STKLD1: variants seen among roughly 807,000 people sequenced by gnomAD.
STKLD1 encodes serine/threonine kinase like domain containing 1.
A neutral mutation model predicts 80.4 loss-of-function variants in STKLD1; 79 were observed. The observed-to-expected ratio is 0.98, with a 90% CI of 0.82 to 1.19. STKLD1 has a LOEUF of 1.19. Ranked by LOEUF, STKLD1 falls within the 50% of genes most tolerant of loss-of-function variation. The probability of loss-of-function intolerance (pLI) is 0.00; values close to 1 mark genes in which losing one functional copy is unlikely to be tolerated. For missense variants in STKLD1, 841 were observed against 856.0 expected, an observed-to-expected ratio of 0.98 and a Z score of 0.22; for synonymous variants, 393 against 357.6, an observed-to-expected ratio of 1.10 and a Z score of -1.12.
In STKLD1 at chr9:133,389,597, G is replaced by C; in HGVS notation, c.467+1G>C. The C allele has an allele frequency of 6.2e-7, 1 of 1,613,418 alleles. No individual in the cohort carries two copies. The highest frequency in any genetic ancestry group is 1.3e-5 in the African/African-American group (1 of 75,030). ...TGCACCATTTGGACATCATCCACAG[G>C]TAAGTGGGGCCCCTGACCTCTGCGG... On this transcript the variant is annotated splice_donor_variant, in intron 6 of 17. Coordinates refer to ENST00000371957, the MANE Select transcript of STKLD1 (RefSeq NM_153710.5). LOFTEE classifies it high-confidence loss of function. This position sits in a 1 kb window ranked among gnomAD's most constrained non-coding sequence, Gnocchi z 6.4.
intron 1 of STKLD1, among the ~76,000 whole-genome samples, chr9:133,378,128 C>T (rs1838044615): frequency 6.6e-6 from 1 of 152,214 alleles, no homozygotes; most frequent in Non-Finnish European, 1.5e-5. Context: ...TGCTGCTCAC[C>T]TCCTGCTGTG....
Position 133,405,453 on chromosome 9 carries a change from G to A in STKLD1, c.*32G>A, listed in dbSNP as rs1318110735. 71 of 1,563,142 alleles carry A rather than the reference G, an allele frequency of 4.5e-5. No homozygotes were observed. The highest frequency in any genetic ancestry group is 6.0e-5 in the Non-Finnish European group (70 of 1,158,836). ...GTATGGAACTGACCTTGATCTCCAC[G>A]TGTATAGTTTTCAAGACTGCTCTCC... On this transcript the variant is annotated 3_prime_UTR_variant, in exon 18 of 18. Coordinates refer to ENST00000371957, the MANE Select transcript of STKLD1 (RefSeq NM_153710.5).
Position 133,389,174 on chromosome 9 carries a change from T to A in STKLD1, c.397-352T>A, listed in dbSNP as rs2119218843. ...CATGTAGGCACTGAAGGCTTCCACC[T>A]CTCCCATACCCGCAAGGCCGATCTG... On this transcript the variant is annotated intron_variant, in intron 5 of 17. Coordinates refer to ENST00000371957, the MANE Select transcript of STKLD1 (RefSeq NM_153710.5). The surrounding 1 kb of genome is among the most constrained non-coding windows in gnomAD (Gnocchi z 6.4). The A allele has an allele frequency of 1.0e-6, 1 of 985,274 alleles. No homozygotes were observed. The highest frequency in any genetic ancestry group is 1.2e-6 in the Non-Finnish European group (1 of 829,904). The allele number at this position is 985,274 out of a possible 1,614,324, so 61.0% of individuals were successfully genotyped here. A position where few individuals can be genotyped will look rare whatever the true frequency, so the allele number is the denominator to read the frequency against.
chr9:133,397,051 T>C, intron 9 of STKLD1, 113 bp from the exon 10 acceptor site: 5 of 1,451,168 alleles, frequency 3.4e-6, no homozygotes, highest in Admixed American at 2.0e-5. Context: ...GGGAGTTCAG[T>C]GTCCAGTGTC....
rs2130275317 is a variant in STKLD1, at chr9:133,385,700, G to C, written c.294+9G>C. 3.1e-6 allele frequency: 5 copies of C among 1,612,778 alleles called. No individual in the cohort carries two copies. The South Asian group carries it at 5.5e-5, about 18-fold the overall frequency. ...TCACGTGGAATGGGGAGGTGGGTCA[G>C]AGCTGACACCTACGGGCTCAGCCGC... On this transcript the variant is annotated intron_variant, in intron 4 of 17. Coordinates refer to ENST00000371957, the MANE Select transcript of STKLD1 (RefSeq NM_153710.5). The surrounding 1 kb of genome is among the most constrained non-coding windows in gnomAD (Gnocchi z 4.9).
At position 133,403,789 on chromosome 9, in the gene STKLD1, G is replaced by A; in HGVS notation, c.1564G>A (p.Glu522Lys). ...ATYPADGEMAEASCGVFWLLS... is the reference protein window; with the variant it reads ...ATYPADGEMAKASCGVFWLLS... ...CTACCCTGCGGATGGGGAAATGGCA[G>A]AAGCCAGCTGCGGAGTCTTCTGGCT... Residue 522 changes from glutamate (E) to lysine (K), a missense_variant, in exon 15 of 18, where the codon GAA (glutamate) becomes AAA (lysine). Transcript: ENST00000371957. 1 of 1,613,716 alleles carries A rather than the reference G, an allele frequency of 6.2e-7. No homozygotes were observed. Among genetic ancestry groups the A allele is most frequent in the Non-Finnish European group, 8.5e-7 (1 of 1,179,962 alleles).
chr9:133,403,798 T>G lies in STKLD1; in HGVS notation c.1573T>G (p.Cys525Gly), dbSNP rs1261144093. The G allele has an allele frequency of 1.2e-6, 2 of 1,613,538 alleles. No homozygotes were observed. The highest frequency in any genetic ancestry group is 1.7e-6 in the Non-Finnish European group (2 of 1,179,958). ...GGATGGGGAAATGGCAGAAGCCAGCTGCGGAGTCTTCTGGCTGCTGTCCCT... is the reference window on the plus strand; with the variant it reads ...GGATGGGGAAATGGCAGAAGCCAGCGGCGGAGTCTTCTGGCTGCTGTCCCT... ...PADGEMAEAS[C>G]GVFWLLSLLG... The change falls in exon 15 of 18, where the codon TGC becomes GGC. Residue 525 changes from cysteine (C) to glycine (G), a missense_variant. Cys to Gly is a radical substitution (Grantham distance 159, BLOSUM62 -3). Coordinates refer to ENST00000371957, the MANE Select transcript of STKLD1 (RefSeq NM_153710.5).
chr9:133,405,511 C>T lies in STKLD1; in HGVS notation c.*90C>T. On this transcript the variant is annotated 3_prime_UTR_variant, in exon 18 of 18. Transcript: ENST00000371957. ...CTATTATCCCATCTCTATGACTGGGCCAAAATCAATCTTAAACGGGAGGGG... is the reference window on the plus strand; with the variant it reads ...CTATTATCCCATCTCTATGACTGGGTCAAAATCAATCTTAAACGGGAGGGG... 2 of 1,338,654 alleles carry T rather than the reference C, an allele frequency of 1.5e-6. No individual in the cohort carries two copies. The highest frequency in any genetic ancestry group is 2.9e-5 in the South Asian group (2 of 68,460). The allele number at this position is 1,338,654 out of a possible 1,614,324, so 82.9% of individuals were successfully genotyped here. A position where few individuals can be genotyped will look rare whatever the true frequency, so the allele number is the denominator to read the frequency against.
chr9:133,397,303 G>T lies in STKLD1; in HGVS notation c.997+9G>T. 1 of 1,612,788 alleles carries T rather than the reference G, an allele frequency of 6.2e-7. No individual in the cohort carries two copies. Reference sequence around the variant, plus strand: ...CGTGGCCAGCATTTTAGGTGATGCTGGGGACACAAAGGGGGAGCGTGCCCT... The same window carrying T: ...CGTGGCCAGCATTTTAGGTGATGCTTGGGACACAAAGGGGGAGCGTGCCCT... On this transcript the variant is annotated intron_variant, in intron 10 of 17. Transcript: ENST00000371957.
intron 5 of STKLD1, chr9:133,387,773 T>A: frequency 1.5e-6 from 1 of 651,120 alleles, no homozygotes; most frequent in Non-Finnish European, 2.8e-6. Flanking sequence ...ACAGAAGGCG[T>A]TCCTAACACT....
chr9:133,403,084 A>G, intron 14 of STKLD1, 72 bp downstream of exon 14: 1 of 1,458,886 alleles, frequency 6.9e-7, no homozygotes, highest in Non-Finnish European at 9.2e-7. Context: ...ACTGCCCCTG[A>G]GAGCCTTCGA....
Position 133,403,996 on chromosome 9 carries a change from C to G in STKLD1, c.1680C>G (p.Ala560=), listed in dbSNP as rs782690067. ...LQSIRLCQDR[A]LLVNNAYRGL... ...GCATCCGGCTGTGCCAGGACAGAGC[C>G]CTGCTGGTGAACAATGCCTACCGGG... is the stretch of plus-strand genomic sequence containing the variant. The change falls in exon 16 of 18, where the codon GCC becomes GCG. Residue 560 remains alanine, a synonymous_variant. Transcript: ENST00000371957. 6.2e-7 allele frequency: 1 copy of G among 1,611,962 alleles called. No individual in the cohort carries two copies. The highest frequency in any genetic ancestry group is 2.2e-5 in the East Asian group (1 of 44,874).
Position 133,376,761 on chromosome 9 carries a change from G to T in STKLD1, c.87+201G>T, listed in dbSNP as rs111976431. Among the ~76,000 whole-genome samples the T allele has an allele frequency of 1.4e-4, 21 of 152,302 alleles. 1 individual carries two copies. The highest frequency in any genetic ancestry group is 3.4e-3 in the Middle Eastern group (1 of 294). ...TTTGCCACTCAGTTTCCCCCTTTGT[G>T]AATTGACTAAGGATTCTCCAGCCCT... On this transcript the variant is annotated intron_variant, in intron 1 of 17. Coordinates refer to ENST00000371957, the MANE Select transcript of STKLD1 (RefSeq NM_153710.5).
At position 133,392,694 on chromosome 9, in the gene STKLD1, AG is replaced by A. The variant is rs1838435703; in HGVS notation, c.584-1596del. Among the ~76,000 whole-genome samples, 6 of 36,430 alleles carry A rather than the reference AG, an allele frequency of 1.6e-4. 1 individual carries two copies. The highest frequency in any genetic ancestry group is 8.0e-4 in the African/African-American group (6 of 7,484). 23.9% of individuals were successfully genotyped at this position (36,430 alleles called of 152,430 possible). A position where few individuals can be genotyped will look rare whatever the true frequency, so the allele number is the denominator to read the frequency against. On this transcript the variant is annotated intron_variant, in intron 7 of 17. Coordinates refer to ENST00000371957, the MANE Select transcript of STKLD1 (RefSeq NM_153710.5). ...GGGTGAGTGGATGGGTGAGTAGGTG[AG>A]TGGATGAGTGGATGGATGGATGAGT...
chr9:133,401,143 C>CCTT (rs1390295887), intron 12 of STKLD1, among the ~76,000 whole-genome samples: 9,475 of 137,864 alleles, frequency 0.069, 395 homozygotes, highest in Non-Finnish European at 0.089. Context: ...TATTTAGTTA[C>CCTT]TTTTTTTTTT....
intron 7 of STKLD1, chr9:133,393,939 CA>C (rs1554776333): frequency 4.7e-6 from 1 of 211,758 alleles, no homozygotes; most frequent in East Asian, 1.1e-4. Flanking sequence ...TTAGAAGGGG[CA>C]AGAAGTTTAG....
rs782233645 is a variant in STKLD1, at chr9:133,402,990, G to C, written c.1452G>C (p.Leu484=). 4 of 1,574,292 alleles carry C rather than the reference G, an allele frequency of 2.5e-6. No homozygotes were observed. Among genetic ancestry groups the C allele is most frequent in the Admixed American group, 1.8e-5 (1 of 55,374 alleles). The change falls in exon 14 of 18, where the codon CTG becomes CTC. Residue 484 remains leucine, a synonymous_variant. Transcript: ENST00000371957. ...ACGTCTGCGCCAGCGGCCTGGGCCT[G>C]CTCTGGGCCCTCCTGCTGGACGGTG... ...SRDVCASGLG[L]LWALLLDGII...
intron 11 of STKLD1, among the ~76,000 whole-genome samples, 176 bp downstream of exon 11, chr9:133,398,231 G>A (rs587653469): frequency 6.6e-6 from 1 of 152,276 alleles, no homozygotes; most frequent in East Asian, 1.9e-4. Context: ...TATCTGCCTG[G>A]GGAAGACAGC....
chr9:133,389,410 G>A lies in STKLD1; in HGVS notation c.397-116G>A. ...TGAGCGCTTGGCTGGCTTCAGGCCT[G>A]TCTCAAGATGCAAGGAGAGGATACA... On this transcript the variant is annotated intron_variant, in intron 5 of 17. Transcript: ENST00000371957. The surrounding 1 kb of genome is among the most constrained non-coding windows in gnomAD (Gnocchi z 6.4). 5 of 1,492,892 alleles carry A rather than the reference G, an allele frequency of 3.3e-6. No homozygotes were observed. In the South Asian group the frequency reaches 3.9e-5, roughly 12 times the overall value. The allele number at this position is 1,492,892 out of a possible 1,614,324, so 92.5% of individuals were successfully genotyped here.
Sources: gnomAD v4.1 joint callset for allele counts (sites outside exome capture counted in the v4.1 genomes callset) on GRCh38, gnomAD v4.1.1 for gene constraint, Gnocchi (gnomAD v3.1) non-coding constraint, MANE v1.5 for transcripts, NCBI Gene and HGNC (gene_info 2026-07-23, HGNC 2026-07-21) for gene names.